The following NPY2R variants were observed in gnomAD, a reference collection of about 807,000 sequenced individuals.
NPY2R encodes neuropeptide Y receptor type 2.
A neutral mutation model predicts 22.3 loss-of-function variants in NPY2R; 17 were observed. The ratio of observed to expected loss-of-function variants is 0.76; its 90% CI spans 0.52 to 1.14. The LOEUF (loss-of-function observed/expected upper bound fraction) is 1.14, where lower values mean the gene tolerates loss of function less well. Among genes scored for constraint, NPY2R ranks in the 50% most tolerant of loss-of-function variants. The probability of loss-of-function intolerance (pLI) is 0.00; values close to 1 mark genes in which losing one functional copy is unlikely to be tolerated. For synonymous variants in NPY2R, 209 were observed against 183.4 expected (o/e 1.14, Z -1.13); for missense variants, 424 against 467.9 (o/e 0.91, Z 0.87).
At chr4:155,179,244 C>T in the NPY2R span, among the ~76,000 whole-genome samples, 2 of 127,982 alleles carry the variant, frequency 1.6e-5, no homozygotes, top group Non-Finnish European at 3.2e-5. Context: ...CTGTTTATGT[C>T]TGTTATCTGA....
At chr4:155,201,315 A>G in the NPY2R span, among the ~76,000 whole-genome samples, 8 of 152,090 alleles carry the variant, frequency 5.3e-5, no homozygotes, top group South Asian at 1.7e-3. Context: ...TCTCTTTTAG[A>G]AGCTTTTCTC....
the NPY2R span, among the ~76,000 whole-genome samples, chr4:155,178,521 C>T: frequency 6.6e-6 from 1 of 152,134 alleles, no homozygotes; most frequent in Admixed American, 6.6e-5. Context: ...TTTGTTGATA[C>T]TGCTGTTTAA....
At chr4:155,175,296 A>G in the NPY2R span, among the ~76,000 whole-genome samples, 1 of 152,194 alleles carries the variant, frequency 6.6e-6, no homozygotes, top group South Asian at 2.1e-4. Context: ...GTAAATACAC[A>G]GGGGAGATAC....
At chr4:155,212,367 G>A (rs1161316463) in intron 1 of NPY2R, among the ~76,000 whole-genome samples, 1 of 152,030 alleles carries the variant, frequency 6.6e-6, no homozygotes, top group Non-Finnish European at 1.5e-5. Context: ...ACAATCTGGA[G>A]ACATTGAGGA....
the NPY2R span, among the ~76,000 whole-genome samples, chr4:155,194,494 G>A: frequency 2.6e-5 from 4 of 151,928 alleles, no homozygotes; most frequent in Non-Finnish European, 4.4e-5. Flanking sequence ...GTGAGAACAT[G>A]CAATATTTGA....
At chr4:155,206,341 G>A (rs1268894285), upstream of NPY2R, among the ~76,000 whole-genome samples, 2 of 152,202 alleles carry the variant, frequency 1.3e-5, no homozygotes, top group African/African-American at 4.8e-5. Flanking sequence ...CCAAACTCCT[G>A]TCAGTGTCAC....
chr4:155,200,381 A>G, the NPY2R span, among the ~76,000 whole-genome samples: 1 of 151,886 alleles, frequency 6.6e-6, no homozygotes, highest in African/African-American at 2.4e-5. Flanking sequence ...GCTGTGGAAA[A>G]TAGGAACACT....
At chr4:155,191,386 A>G in the NPY2R span, among the ~76,000 whole-genome samples, 1 of 151,884 alleles carries the variant, frequency 6.6e-6, no homozygotes, top group Non-Finnish European at 1.5e-5. Flanking sequence ...TTACCACCTA[A>G]ATGTAATTCT....
At chr4:155,182,537 A>T in the NPY2R span, among the ~76,000 whole-genome samples, 1 of 152,174 alleles carries the variant, frequency 6.6e-6, no homozygotes, top group African/African-American at 2.4e-5. Context: ...GAGTCAACAG[A>T]GCGAATGATG....
upstream of NPY2R, among the ~76,000 whole-genome samples, chr4:155,206,005 G>T (rs28698045): frequency 6.6e-6 from 1 of 152,010 alleles, no homozygotes; most frequent in African/African-American, 2.4e-5. Flanking sequence ...GATTTTTGCA[G>T]GCCAGCTGAG....
the NPY2R span, among the ~76,000 whole-genome samples, chr4:155,185,932 G>A: frequency 2.6e-5 from 4 of 152,058 alleles, no homozygotes; most frequent in East Asian, 1.9e-4. Context: ...TCAAGGACAT[G>A]ATAAAGCATA....
At chr4:155,200,312 T>C in the NPY2R span, among the ~76,000 whole-genome samples, 5 of 152,122 alleles carry the variant, frequency 3.3e-5, no homozygotes, top group African/African-American at 1.2e-4. Context: ...TGAGATACCA[T>C]CTCATGTCAG....
chr4:155,205,853 CTA>C (rs1729275274), upstream of NPY2R, among the ~76,000 whole-genome samples: 1 of 148,976 alleles, frequency 6.7e-6, no homozygotes, highest in African/African-American at 2.5e-5. Context: ...ATCTATCTAT[CTA>C]TGATTTCTTA....
the NPY2R span, among the ~76,000 whole-genome samples, chr4:155,198,476 C>A: frequency 7.7e-6 from 1 of 130,400 alleles, no homozygotes; most frequent in African/African-American, 2.7e-5. Context: ...AGTAATATGC[C>A]TATGATATAA....
the NPY2R span, among the ~76,000 whole-genome samples, chr4:155,191,070 GACT>G: frequency 1.5e-3 from 224 of 151,952 alleles, 3 homozygotes; most frequent in East Asian, 0.02. Flanking sequence ...TCAACTAGAT[GACT>G]ACATGTTCAA....
At position 155,216,486 on chromosome 4, in the gene NPY2R, A is replaced by G. The variant is rs1729520076; in HGVS notation, c.*1401A>G. The G allele has an allele frequency of 6.0e-6, 1 of 166,748 alleles. No homozygotes were observed. The highest frequency in any genetic ancestry group is 2.4e-5 in the African/African-American group (1 of 41,464). 10.3% of individuals were successfully genotyped at this position (166,748 alleles called of 1,614,324 possible). A position where few individuals can be genotyped will look rare whatever the true frequency, so the allele number is the denominator to read the frequency against. ...AGTTTCATTAGTCATATTTTTGTAA[A>G]TATGACAGAATTTGTGAATATATTT... On this transcript the variant is annotated 3_prime_UTR_variant, in exon 2 of 2. Coordinates refer to ENST00000329476, the MANE Select transcript of NPY2R (RefSeq NM_000910.4).
upstream of NPY2R, among the ~76,000 whole-genome samples, chr4:155,204,236 C>T (rs1192427091): frequency 6.6e-6 from 1 of 151,720 alleles, no homozygotes; most frequent in Non-Finnish European, 1.5e-5. Context: ...AGCTTTCTGG[C>T]AGAGTGAAAA....
Position 155,213,911 on chromosome 4 carries a change from G to A in NPY2R, c.-29G>A, listed in dbSNP as rs536462319. 2 of 1,590,404 alleles carry A rather than the reference G, an allele frequency of 1.3e-6. No individual in the cohort carries two copies. Among genetic ancestry groups the A allele is most frequent in the South Asian group, 2.2e-5 (2 of 90,592 alleles). On this transcript the variant is annotated 5_prime_UTR_variant, in exon 2 of 2. Transcript: ENST00000329476. Reference sequence around the variant, plus strand: ...TTTTAGGTTGTAGACTCTTGTGCTGGTTGCAGGCCAAGTGGACCTGTACTG... The same window carrying A: ...TTTTAGGTTGTAGACTCTTGTGCTGATTGCAGGCCAAGTGGACCTGTACTG...
intron 1 of NPY2R, among the ~76,000 whole-genome samples, chr4:155,209,316 A>T (rs1020893920): frequency 1.3e-5 from 2 of 152,208 alleles, no homozygotes; most frequent in Non-Finnish European, 2.9e-5. Flanking sequence ...ATAGGTCATT[A>T]TCTTTCCAGA....
Sources: gnomAD v4.1 joint callset for allele counts (sites outside exome capture counted in the v4.1 genomes callset) on GRCh38, gnomAD v4.1.1 for gene constraint, MANE v1.5 for transcripts, NCBI Gene and HGNC (gene_info 2026-07-23, HGNC 2026-07-21) for gene names.